UBE2E3: variants seen among roughly 807,000 people sequenced by gnomAD.
UBE2E3 encodes ubiquitin-conjugating enzyme E2 E3.
Under a neutral mutation model 23.6 loss-of-function variants are expected in UBE2E3, and 5 were observed. The ratio of observed to expected loss-of-function variants is 0.21; its 90% CI spans 0.11 to 0.44. The LOEUF is 0.44. Ranked by LOEUF, UBE2E3 falls within the 20% of genes least tolerant of loss-of-function variation. The pLI, the probability that UBE2E3 is intolerant of heterozygous loss-of-function variation, is 0.99. For missense variants in UBE2E3, 81 were observed against 249.8 expected, an observed-to-expected ratio of 0.32 and a Z score of 4.55; for synonymous variants, 78 against 87.5, an observed-to-expected ratio of 0.89 and a Z score of 0.60.
chr2:181,035,048 A>T (rs191480033), intron 3 of UBE2E3, among the ~76,000 whole-genome samples: 1 of 152,198 alleles, frequency 6.6e-6, no homozygotes, highest in African/African-American at 2.4e-5. Context: ...AAGCTACATA[A>T]TAAATATACA....
chr2:181,024,035 TTTGTTACTAA>T (rs1685796197), intron 3 of UBE2E3, among the ~76,000 whole-genome samples: 1 of 152,136 alleles, frequency 6.6e-6, no homozygotes, highest in South Asian at 2.1e-4. Context: ...AGTACTCATG[TTTGTTACTAA>T]TATGGTTAGT....
At chr2:180,999,687 TC>T (rs1358636730) in intron 3 of UBE2E3, among the ~76,000 whole-genome samples, 1 of 150,274 alleles carries the variant, frequency 6.7e-6, no homozygotes, top group Non-Finnish European at 1.5e-5. Context: ...TTGTTGTACA[TC>T]AAGGACATCC....
chr2:180,991,370 A>T (rs901938314), intron 3 of UBE2E3, among the ~76,000 whole-genome samples: 1 of 152,196 alleles, frequency 6.6e-6, no homozygotes, highest in Non-Finnish European at 1.5e-5. Flanking sequence ...ACAGCAAGAG[A>T]TTAACAACTT....
chr2:181,060,883 T>G (rs1687131995), intron 5 of UBE2E3, 71 bp downstream of exon 5: 1 of 1,162,742 alleles, frequency 8.6e-7, no homozygotes, highest in Non-Finnish European at 1.2e-6. Flanking sequence ...TTTTTTTTTT[T>G]TTTTTAGTTA....
At chr2:181,057,320 G>C (rs1687016906) in intron 3 of UBE2E3, among the ~76,000 whole-genome samples, 1 of 151,762 alleles carries the variant, frequency 6.6e-6, no homozygotes, top group Admixed American at 6.6e-5. Context: ...ATGTTTATGG[G>C]GAAAAGGCCG....
intron 3 of UBE2E3, among the ~76,000 whole-genome samples, chr2:181,040,390 C>T (rs1302947306): frequency 6.6e-6 from 1 of 152,122 alleles, no homozygotes; most frequent in African/African-American, 2.4e-5. Context: ...ACTACAGTGC[C>T]TGGCTTATGA....
chr2:181,045,036 A>G (rs368764123), intron 3 of UBE2E3, among the ~76,000 whole-genome samples: 58 of 152,286 alleles, frequency 3.8e-4, no homozygotes, highest in African/African-American at 1.3e-3. Context: ...CCTTGTGTTT[A>G]TGCTTTTACG....
intron 4 of UBE2E3, among the ~76,000 whole-genome samples, chr2:181,058,790 C>G (rs1018311291): frequency 6.6e-6 from 1 of 151,726 alleles, no homozygotes; most frequent in African/African-American, 2.4e-5. Flanking sequence ...TTCTCAGTAA[C>G]TTATTGTCTA....
intron 3 of UBE2E3, among the ~76,000 whole-genome samples, chr2:181,000,307 A>G (rs1189981291): frequency 6.6e-6 from 1 of 152,228 alleles, no homozygotes; most frequent in Non-Finnish European, 1.5e-5. Flanking sequence ...GTTAATCACA[A>G]CTTCTATAAT....
chr2:181,042,099 C>T (rs1574213398), intron 3 of UBE2E3, among the ~76,000 whole-genome samples: 1 of 152,180 alleles, frequency 6.6e-6, no homozygotes, highest in Non-Finnish European at 1.5e-5. Flanking sequence ...CCACTAATGT[C>T]CTTTTTGTTT....
intron 3 of UBE2E3, among the ~76,000 whole-genome samples, chr2:181,044,222 A>G (rs1212484646): frequency 6.6e-6 from 1 of 152,096 alleles, no homozygotes; most frequent in African/African-American, 2.4e-5. Context: ...TGAGTTTGAG[A>G]TGACGGTTGG....
chr2:180,999,395 A>G (rs567537098), intron 3 of UBE2E3, among the ~76,000 whole-genome samples: 1 of 152,288 alleles, frequency 6.6e-6, no homozygotes, highest in Admixed American at 6.5e-5. Flanking sequence ...GTTGCTGTGA[A>G]GGATTCACAA....
At chr2:181,015,007 TA>T (rs1439163000) in intron 3 of UBE2E3, among the ~76,000 whole-genome samples, 34 of 152,240 alleles carry the variant, frequency 2.2e-4, no homozygotes, top group African/African-American at 7.7e-4. Context: ...AAGCAGCCCT[TA>T]AGATGTGTGG....
chr2:181,054,210 C>A (rs1481597874), intron 3 of UBE2E3, among the ~76,000 whole-genome samples: 8 of 151,740 alleles, frequency 5.3e-5, no homozygotes, highest in Non-Finnish European at 1.2e-4. Flanking sequence ...TGAGTAAATA[C>A]CCAGGAGTGT....
At chr2:180,996,927 C>T (rs1378844868) in intron 3 of UBE2E3, among the ~76,000 whole-genome samples, 1 of 152,112 alleles carries the variant, frequency 6.6e-6, no homozygotes, top group Non-Finnish European at 1.5e-5. Context: ...AATTCTGAAC[C>T]CTCATAGTAC....
intron 3 of UBE2E3, among the ~76,000 whole-genome samples, chr2:181,048,662 A>G (rs1686740994): frequency 6.6e-6 from 1 of 151,784 alleles, no homozygotes; most frequent in Admixed American, 6.6e-5. Flanking sequence ...TCTCACCCTA[A>G]TTGTCTGTAT....
chr2:181,041,274 A>C (rs1490272211), intron 3 of UBE2E3, among the ~76,000 whole-genome samples: 2 of 140,920 alleles, frequency 1.4e-5, no homozygotes, highest in Non-Finnish European at 3.1e-5. Flanking sequence ...TTTTTTCTTC[A>C]TATAGAGTGT....
At chr2:181,030,697 G>T (rs1172435771) in intron 3 of UBE2E3, among the ~76,000 whole-genome samples, 1 of 151,964 alleles carries the variant, frequency 6.6e-6, no homozygotes, top group Non-Finnish European at 1.5e-5. Context: ...TGGTGGTTTT[G>T]TATTTGGGAT....
chr2:181,034,537 G>A (rs1302741455), intron 3 of UBE2E3, among the ~76,000 whole-genome samples: 1 of 152,178 alleles, frequency 6.6e-6, no homozygotes, highest in Non-Finnish European at 1.5e-5. Context: ...TGGGGTGGGG[G>A]GAGCGGGGAG....
Sources: allele counts gnomAD v4.1 joint callset (sites outside exome capture counted in the v4.1 genomes callset), GRCh38; gene constraint gnomAD v4.1.1; transcripts MANE v1.5; gene names NCBI Gene and HGNC (gene_info 2026-07-23, HGNC 2026-07-21).